Variants in LRRTM4 observed in about 807,000 individuals in gnomAD.
LRRTM4 encodes the protein leucine rich repeat transmembrane neuronal 4, also known as leucine-rich repeat transmembrane neuronal protein 4.
In LRRTM4, 25 loss-of-function variants were observed where a neutral mutation model predicts 47.6. The ratio of observed to expected loss-of-function variants is 0.53; its 90% CI spans 0.38 to 0.73. LRRTM4 has a LOEUF of 0.73. LRRTM4 is among the 30% of genes least tolerant of loss of function. The probability of loss-of-function intolerance (pLI) is 0.00; values close to 1 mark genes in which losing one functional copy is unlikely to be tolerated. For synonymous variants in LRRTM4, 311 were observed against 269.5 expected (o/e 1.15, Z -1.51); for missense variants, 638 against 713.4 (o/e 0.89, Z 1.20).
At chr2:77,408,703 G>T (rs1674304553) in intron 3 of LRRTM4, among the ~76,000 whole-genome samples, 1 of 152,078 alleles carries the variant, frequency 6.6e-6, no homozygotes, top group Admixed American at 6.6e-5. Context: ...ATTCCCCATT[G>T]TGGCCCTTGT....
Position 76,908,228 on chromosome 2 carries a change from A to G in LRRTM4, c.1552-159312T>C, listed in dbSNP as rs1266060731. 1.1e-3 allele frequency among the ~76,000 whole-genome samples: 166 copies of G among 151,758 alleles called. 1 individual carries two copies. Among genetic ancestry groups the G allele is most frequent in the Non-Finnish European group, 1.3e-3 (87 of 67,926 alleles). ...AAATGTAATCCAGCATATAAACAGA[A>G]CCAAAGACAAAAACCACATGATTAT... is the stretch of plus-strand genomic sequence containing the variant. On this transcript the variant is annotated intron_variant, in intron 3 of 3. Coordinates refer to ENST00000409884, the MANE Select transcript of LRRTM4 (RefSeq NM_001134745.3).
chr2:76,748,541 T>C lies in LRRTM4; in HGVS notation c.*154A>G, dbSNP rs1672723282. ...TGCATTCGCTGCCCTCTTCAAGCAG[T>C]TTTTTTTTCTCTTTTTCTTTTCTCT... On this transcript the variant is annotated 3_prime_UTR_variant, in exon 4 of 4. Transcript: ENST00000409884. 1 of 612,050 alleles carries C rather than the reference T, an allele frequency of 1.6e-6. No individual in the cohort carries two copies. The highest frequency in any genetic ancestry group is 3.0e-5 in the East Asian group (1 of 33,828). 37.9% of individuals were successfully genotyped at this position (612,050 alleles called of 1,614,324 possible). A position where few individuals can be genotyped will look rare whatever the true frequency, so the allele number is the denominator to read the frequency against.
At chr2:77,027,292 T>G (rs1678488029) in intron 3 of LRRTM4, among the ~76,000 whole-genome samples, 1 of 152,170 alleles carries the variant, frequency 6.6e-6, no homozygotes, top group African/African-American at 2.4e-5. Flanking sequence ...TGAGGATTAT[T>G]TTTTAAAGGT....
chr2:76,957,600 T>C (rs1675715476), intron 3 of LRRTM4, among the ~76,000 whole-genome samples: 1 of 151,766 alleles, frequency 6.6e-6, no homozygotes, highest in Admixed American at 6.6e-5. Context: ...CAGAATTATT[T>C]TTCAATCTTT....
chr2:77,070,819 C>T (rs111469913), intron 3 of LRRTM4, among the ~76,000 whole-genome samples: 3,164 of 152,126 alleles, frequency 0.021, 118 homozygotes, highest in African/African-American at 0.07. Context: ...TTAGTAGAGA[C>T]GGGGTTTCAC....
intron 3 of LRRTM4, among the ~76,000 whole-genome samples, chr2:76,894,355 T>G (rs949160697): frequency 2.0e-5 from 3 of 152,072 alleles, no homozygotes; most frequent in African/African-American, 7.2e-5. Flanking sequence ...GCCAGCATGC[T>G]GTTTGTAAAA....
chr2:76,822,628 G>T (rs1671084154), intron 3 of LRRTM4, among the ~76,000 whole-genome samples: 2 of 151,354 alleles, frequency 1.3e-5, no homozygotes, highest in African/African-American at 4.8e-5. Context: ...AATAAAATAC[G>T]CTAACCAGAA....
At chr2:76,886,121 A>G (rs1033622452) in intron 3 of LRRTM4, among the ~76,000 whole-genome samples, 1 of 152,220 alleles carries the variant, frequency 6.6e-6, no homozygotes, top group Non-Finnish European at 1.5e-5. Context: ...AAAGCAAGGT[A>G]AAGAAAAGCA....
chr2:76,915,189 T>C (rs927322528), intron 3 of LRRTM4, among the ~76,000 whole-genome samples: 2 of 152,180 alleles, frequency 1.3e-5, no homozygotes, highest in South Asian at 4.1e-4. Context: ...ATCCTCTTGA[T>C]TGGAGTGAGA....
chr2:77,517,098 A>T, intron 3 of LRRTM4: 1 of 985,180 alleles, frequency 1.0e-6, no homozygotes, highest in Non-Finnish European at 1.2e-6. Context: ...CTTAGTAGTC[A>T]GTCTTTGCAC....
At chr2:77,264,080 A>G (rs969640357) in intron 3 of LRRTM4, among the ~76,000 whole-genome samples, 1 of 152,058 alleles carries the variant, frequency 6.6e-6, no homozygotes, top group African/African-American at 2.4e-5. Context: ...TTGCTATTTC[A>G]GAATTGCATA....
chr2:77,261,101 G>C (rs1675907447), intron 3 of LRRTM4, among the ~76,000 whole-genome samples: 1 of 151,898 alleles, frequency 6.6e-6, no homozygotes, highest in South Asian at 2.1e-4. Flanking sequence ...TCTAGAGAAA[G>C]GATTGAGCAT....
intron 3 of LRRTM4, among the ~76,000 whole-genome samples, chr2:77,460,404 G>A (rs1002595251): frequency 1.3e-5 from 2 of 152,108 alleles, no homozygotes; most frequent in African/African-American, 2.4e-5. Flanking sequence ...TGAGCTTTCT[G>A]TTATCAGTAA....
intron 3 of LRRTM4, among the ~76,000 whole-genome samples, chr2:76,940,771 C>T (rs1321512024): frequency 3.9e-5 from 6 of 152,170 alleles, no homozygotes; most frequent in African/African-American, 1.4e-4. Flanking sequence ...CTCCACTTCC[C>T]CTTACTACAC....
At chr2:76,803,256 A>T (rs956439011) in intron 3 of LRRTM4, among the ~76,000 whole-genome samples, 1 of 152,180 alleles carries the variant, frequency 6.6e-6, no homozygotes, top group African/African-American at 2.4e-5. Context: ...ATAGCAAAAA[A>T]CAAATGACCT....
At chr2:77,111,175 T>C (rs1225090929) in intron 3 of LRRTM4, among the ~76,000 whole-genome samples, 1 of 152,066 alleles carries the variant, frequency 6.6e-6, no homozygotes, top group East Asian at 1.9e-4. Context: ...AGTGGCAGGA[T>C]CTTGGCTCAC....
At chr2:77,508,282 A>T (rs1202137387) in intron 3 of LRRTM4, among the ~76,000 whole-genome samples, 2 of 152,094 alleles carry the variant, frequency 1.3e-5, no homozygotes, top group Non-Finnish European at 2.9e-5. Context: ...CTCGACACAA[A>T]CTCTGAAGTG....
chr2:76,786,259 TTCCAATTGATCAATTTAAGTTTGAAAA>T (rs1218004268), intron 3 of LRRTM4, among the ~76,000 whole-genome samples: 1 of 152,086 alleles, frequency 6.6e-6, no homozygotes, highest in Non-Finnish European at 1.5e-5. Flanking sequence ...CAGCAATATT[TTCCAATTGATCAATTTAAGTTTGAAAA>T]TGGCGGAGAT....
At chr2:76,750,585 T>C (rs1672817760) in intron 3 of LRRTM4, among the ~76,000 whole-genome samples, 1 of 152,216 alleles carries the variant, frequency 6.6e-6, no homozygotes. Flanking sequence ...TAAGTTGTTT[T>C]GATTTTATAA....
Sources: gnomAD v4.1 joint callset for allele counts (sites outside exome capture counted in the v4.1 genomes callset) on GRCh38, gnomAD v4.1.1 for gene constraint, MANE v1.5 for transcripts, NCBI Gene and HGNC (gene_info 2026-07-23, HGNC 2026-07-21) for gene names.